The following YME1L1 variants were observed in gnomAD, a reference collection of about 807,000 sequenced individuals.
YME1L1 encodes the protein ATP-dependent zinc metalloprotease YME1L1.
In YME1L1, 39 loss-of-function variants were observed where a neutral mutation model predicts 90.4. The ratio of observed to expected loss-of-function variants is 0.43; its 90% CI spans 0.33 to 0.56. The LOEUF (loss-of-function observed/expected upper bound fraction) is 0.56, where lower values mean the gene tolerates loss of function less well. YME1L1 is among the 20% of genes least tolerant of loss of function. The pLI is 0.03. For missense variants in YME1L1, 617 were observed against 868.4 expected, an observed-to-expected ratio of 0.71 and a Z score of 3.64; for synonymous variants, 284 against 287.3, an observed-to-expected ratio of 0.99 and a Z score of 0.12.
At chr10:27,146,791 G>A (rs2057149002) in intron 2 of YME1L1, 1 of 152,804 alleles carries the variant, frequency 6.5e-6, no homozygotes, top group Admixed American at 6.5e-5. Flanking sequence ...CTGGGAATAC[G>A]GTACTTTTTA....
chr10:27,127,180 G>A (rs549545983), intron 8 of YME1L1, among the ~76,000 whole-genome samples: 1 of 152,272 alleles, frequency 6.6e-6, no homozygotes, highest in African/African-American at 2.4e-5. Flanking sequence ...ATTATTTCAA[G>A]AAAAATTCCC....
intron 18 of YME1L1, among the ~76,000 whole-genome samples, chr10:27,113,174 C>G (rs906727286): frequency 2.5e-5 from 3 of 119,756 alleles, no homozygotes; most frequent in Non-Finnish European, 4.9e-5. Context: ...GAGCCAAGAT[C>G]ACAGCACTGC....
intron 5 of YME1L1, among the ~76,000 whole-genome samples, 200 bp from the exon 6 acceptor site, chr10:27,135,181 T>C (rs1347017145): frequency 6.6e-6 from 1 of 152,212 alleles, no homozygotes; most frequent in African/African-American, 2.4e-5. Flanking sequence ...AATCAATTAA[T>C]AATATAAAGA....
intron 15 of YME1L1, 62 bp from the exon 16 acceptor site, chr10:27,116,407 G>T: frequency 6.4e-7 from 1 of 1,569,990 alleles, no homozygotes. Flanking sequence ...GGTGGCTCAC[G>T]CCTGAATCCC....
chr10:27,133,423 G>C (rs1167093447), intron 7 of YME1L1, among the ~76,000 whole-genome samples: 1 of 152,148 alleles, frequency 6.6e-6, no homozygotes, highest in Non-Finnish European at 1.5e-5. Context: ...TGTTAAGATA[G>C]GCTGAAAAAT....
At chr10:27,123,817 A>G (rs2056890632) in intron 9 of YME1L1, 118 bp from the exon 10 acceptor site, 2 of 1,078,940 alleles carry the variant, frequency 1.9e-6, no homozygotes, top group Admixed American at 3.2e-5. Context: ...CACACCAATA[A>G]CCAATATTTT....
intron 18 of YME1L1, 144 bp downstream of exon 18, chr10:27,114,377 C>A: frequency 1.7e-6 from 1 of 601,626 alleles, no homozygotes; most frequent in Non-Finnish European, 2.8e-6. Flanking sequence ...AATTTTTTCC[C>A]CAGACACCAT....
At chr10:27,126,404 G>A (rs2056920202) in intron 9 of YME1L1, among the ~76,000 whole-genome samples, 1 of 152,168 alleles carries the variant, frequency 6.6e-6, no homozygotes, top group Admixed American at 6.5e-5. Flanking sequence ...ACTCAAGCCT[G>A]GGTCTAAAAA....
At position 27,154,263 on chromosome 10, in the gene YME1L1, T is replaced by A; in HGVS notation, c.-53A>T. 6.4e-7 allele frequency: 1 copy of A among 1,568,624 alleles called. No individual in the cohort carries two copies. Among genetic ancestry groups the A allele is most frequent in the Non-Finnish European group, 8.7e-7 (1 of 1,155,636 alleles). Reference sequence around the variant, plus strand: ...CGCCTGCCGAAACTGTGCCCCTCTGTCCACGGCCCGGCGGGGAGGCGCTGA... The same window carrying A: ...CGCCTGCCGAAACTGTGCCCCTCTGACCACGGCCCGGCGGGGAGGCGCTGA... On this transcript the variant is annotated 5_prime_UTR_variant, in exon 1 of 19. Coordinates refer to ENST00000376016, the MANE Select transcript of YME1L1 (RefSeq NM_014263.4).
At chr10:27,146,748 A>G (rs1344735574) in intron 2 of YME1L1, 1 of 152,264 alleles carries the variant, frequency 6.6e-6, no homozygotes, top group African/African-American at 2.4e-5. Context: ...TAAAAGAGGC[A>G]TGGACACGGA....
chr10:27,139,992 CTA>C (rs1173977605), intron 4 of YME1L1, among the ~76,000 whole-genome samples: 1 of 151,820 alleles, frequency 6.6e-6, no homozygotes, highest in African/African-American at 2.4e-5. Context: ...AATTTATTTT[CTA>C]TCTTTATATC....
intron 4 of YME1L1, among the ~76,000 whole-genome samples, chr10:27,139,330 A>G (rs950484419): frequency 7.2e-5 from 11 of 152,164 alleles, no homozygotes; most frequent in African/African-American, 2.4e-4. Flanking sequence ...AGTATCCAGA[A>G]CTACAGGGGC....
chr10:27,113,219 CAAAAAAAAAAAAAAAAAAAAAAAAA>C (rs869122796), intron 18 of YME1L1, among the ~76,000 whole-genome samples: 9 of 43,104 alleles, frequency 2.1e-4, no homozygotes, highest in East Asian at 1.7e-3. Context: ...GATGCTGTCT[CAAAAAAAAAAAAAAAAAAAAAAAAA>C]AAAAAAAAAA....
In YME1L1 at chr10:27,126,909, T is replaced by C. The variant is rs564858910; in HGVS notation, c.859-123A>G. ...ATGGAATTAACCTGACCTTCTCTGTTTCAGTAAAAAAAGCATACAAAAATG... is the reference window on the plus strand; with the variant it reads ...ATGGAATTAACCTGACCTTCTCTGTCTCAGTAAAAAAAGCATACAAAAATG... On this transcript the variant is annotated intron_variant, in intron 8 of 18. Coordinates refer to ENST00000376016, the MANE Select transcript of YME1L1 (RefSeq NM_014263.4). The C allele has an allele frequency of 2.7e-5, 16 of 599,430 alleles. No homozygotes were observed. In the East Asian group the frequency reaches 5.5e-4, roughly 21 times the overall value. 37.1% of individuals were successfully genotyped at this position (599,430 alleles called of 1,614,324 possible). A position where few individuals can be genotyped will look rare whatever the true frequency, so the allele number is the denominator to read the frequency against.
chr10:27,132,361 A>C (rs2056985962), intron 7 of YME1L1, among the ~76,000 whole-genome samples: 3 of 151,900 alleles, frequency 2.0e-5, no homozygotes. Context: ...AGCCTCCCAA[A>C]GTGCTGGGAT....
chr10:27,141,601 G>C (rs1023132566), intron 4 of YME1L1, among the ~76,000 whole-genome samples: 2 of 141,476 alleles, frequency 1.4e-5, no homozygotes, highest in African/African-American at 2.6e-5. Context: ...GATGTCCCTC[G>C]ACACACACAC....
intron 11 of YME1L1, 24 bp from the exon 12 acceptor site, chr10:27,121,472 C>T (rs1753410): frequency 6.8e-7 from 1 of 1,468,454 alleles, no homozygotes; most frequent in South Asian, 1.1e-5. Flanking sequence ...AAAATAGTAT[C>T]TTTTACTAAC....
At chr10:27,125,003 T>G (rs16927570) in intron 9 of YME1L1, among the ~76,000 whole-genome samples, 1 of 152,212 alleles carries the variant, frequency 6.6e-6, no homozygotes, top group African/African-American at 2.4e-5. Context: ...ATTTAATAAA[T>G]GTACCCTAAA....
At chr10:27,140,880 T>G (rs2057080280) in intron 4 of YME1L1, among the ~76,000 whole-genome samples, 2 of 152,270 alleles carry the variant, frequency 1.3e-5, no homozygotes, top group South Asian at 4.1e-4. Context: ...TTAGGAAAAT[T>G]TATTAAGATA....
Sources: allele counts gnomAD v4.1 joint callset (sites outside exome capture counted in the v4.1 genomes callset), GRCh38; gene constraint gnomAD v4.1.1; transcripts MANE v1.5; gene names NCBI Gene and HGNC (gene_info 2026-07-23, HGNC 2026-07-21).